FHAD1: variants seen among roughly 807,000 people sequenced by gnomAD.
FHAD1 encodes the protein forkhead associated phosphopeptide binding domain 1, also known as forkhead-associated domain-containing protein 1.
In FHAD1, 146 loss-of-function variants were observed where a neutral mutation model predicts 191.3. The ratio of observed to expected loss-of-function variants is 0.76; its 90% CI spans 0.67 to 0.88. FHAD1 has a LOEUF of 0.88. FHAD1 is among the 40% of genes least tolerant of loss of function. FHAD1 has a pLI of 0.00. For synonymous variants in FHAD1, 616 were observed against 672.3 expected (o/e 0.92, Z 1.29); for missense variants, 1,635 against 1,785.8 (o/e 0.92, Z 1.52).
At chr1:15,244,566 G>C (rs1219708468), upstream of FHAD1, among the ~76,000 whole-genome samples, 1 of 152,144 alleles carries the variant, frequency 6.6e-6, no homozygotes, top group South Asian at 2.1e-4. This position sits in a 1 kb window ranked among gnomAD's most constrained non-coding sequence, Gnocchi z 5.1. Context: ...TAGAGAAGCC[G>C]ACATCCTGGG....
chr1:15,330,404 A>G (rs1420809993), intron 14 of FHAD1, among the ~76,000 whole-genome samples: 1 of 152,128 alleles, frequency 6.6e-6, no homozygotes, highest in African/African-American at 2.4e-5. Flanking sequence ...AGGAACAGGT[A>G]GAATCAGGTC....
chr1:15,373,642 C>T (rs1217426962), intron 26 of FHAD1, among the ~76,000 whole-genome samples: 1 of 152,156 alleles, frequency 6.6e-6, no homozygotes, highest in Non-Finnish European at 1.5e-5. Flanking sequence ...TGCTTGAGCT[C>T]AGGAGTTTGA....
intron 29 of FHAD1, 40 bp downstream of exon 29, chr1:15,380,836 C>A (rs778510356): frequency 3.4e-6 from 5 of 1,478,114 alleles, no homozygotes; most frequent in Admixed American, 2.0e-5. Flanking sequence ...TATCCAAAGC[C>A]TGGGGCCCCT....
chr1:15,349,289 G>A lies in FHAD1; in HGVS notation c.2454+140G>A, dbSNP rs1690001458. On this transcript the variant is annotated intron_variant, in intron 19 of 33. Transcript: ENST00000688493. ...AAGATCTGCCGTTTACTGGCTGTGTGACCTCCGGCAGATCGCCACCTCCCC... is the reference window on the plus strand; with the variant it reads ...AAGATCTGCCGTTTACTGGCTGTGTAACCTCCGGCAGATCGCCACCTCCCC... 4.6e-6 allele frequency: 3 copies of A among 655,874 alleles called. No homozygotes were observed. In the African/African-American group the frequency reaches 5.5e-5, roughly 12 times the overall value. 40.6% of individuals were successfully genotyped at this position (655,874 alleles called of 1,614,324 possible). A position where few individuals can be genotyped will look rare whatever the true frequency, so the allele number is the denominator to read the frequency against.
intron 2 of FHAD1, among the ~76,000 whole-genome samples, chr1:15,267,961 A>T (rs1654279404): frequency 6.7e-6 from 1 of 148,712 alleles, no homozygotes; most frequent in Admixed American, 6.7e-5. Flanking sequence ...ATATATATAT[A>T]TTTGCTGTTC....
intron 21 of FHAD1, among the ~76,000 whole-genome samples, chr1:15,359,685 TA>T (rs919269814): frequency 1.8e-4 from 27 of 147,096 alleles, no homozygotes; most frequent in South Asian, 1.1e-3. Flanking sequence ...CCATCTCCAC[TA>T]AAAAAAAAAT....
rs1001787228 is a variant in FHAD1, at chr1:15,375,633, T to A, written c.3608T>A (p.Leu1203Gln). The change falls in exon 28 of 34, where the codon CTA becomes CAA. Residue 1203 changes from leucine to glutamine, a missense_variant. Transcript: ENST00000688493. ...DHKDHQNESF[L>Q]DLKNLRMENN... ...AAAGACCACCAGAATGAATCATTTC[T>A]AGATTTAAAGAACCTCAGAATGGAA... The A allele has an allele frequency of 5.2e-6, 8 of 1,543,260 alleles. No homozygotes were observed. The highest frequency in any genetic ancestry group is 7.0e-6 in the Non-Finnish European group (8 of 1,144,534).
At position 15,311,354 on chromosome 1, in the gene FHAD1, G is replaced by C. The variant is rs1019616728; in HGVS notation, c.1040-1703G>C. Among the ~76,000 whole-genome samples the C allele has an allele frequency of 1.3e-5, 2 of 152,206 alleles. No individual in the cohort carries two copies. The highest frequency in any genetic ancestry group is 4.8e-5 in the African/African-American group (2 of 41,452). ...GCAGGGAAGGAACCACCCAGGAGGAGCAGAGGGAACCATCTCGAAGCCCAC... is the reference window on the plus strand; with the variant it reads ...GCAGGGAAGGAACCACCCAGGAGGACCAGAGGGAACCATCTCGAAGCCCAC... On this transcript the variant is annotated intron_variant, in intron 7 of 33. Transcript: ENST00000688493. This position sits in a 1 kb window ranked among gnomAD's most constrained non-coding sequence, Gnocchi z 4.1.
chr1:15,354,684 AAAG>A (rs1692124821), intron 20 of FHAD1, among the ~76,000 whole-genome samples: 1 of 152,238 alleles, frequency 6.6e-6, no homozygotes, highest in Admixed American at 6.5e-5. Flanking sequence ...ATGAAAAAAA[AAAG>A]TATATCATGA....
At chr1:15,334,522 C>A (rs920562327) in intron 14 of FHAD1, 2 of 152,260 alleles carry the variant, frequency 1.3e-5, no homozygotes, top group Non-Finnish European at 2.9e-5. Flanking sequence ...CAGCTGTGCA[C>A]CTACTAGCTG....
At chr1:15,353,704 CAAAAAAAAAAAAA>C (rs60518389) in intron 20 of FHAD1, among the ~76,000 whole-genome samples, 2 of 60,974 alleles carry the variant, frequency 3.3e-5, no homozygotes, top group African/African-American at 1.3e-4. Flanking sequence ...GACTCCATCT[CAAAAAAAAAAAAA>C]AAAAAAAAAG....
At chr1:15,382,876 G>A (rs988534410) in intron 31 of FHAD1, among the ~76,000 whole-genome samples, 1 of 152,212 alleles carries the variant, frequency 6.6e-6, no homozygotes, top group African/African-American at 2.4e-5. Context: ...CCGGCTGAAG[G>A]AGCCGCAGAG....
intron 1 of FHAD1, among the ~76,000 whole-genome samples, chr1:15,239,651 T>C (rs1645141643): frequency 6.6e-6 from 1 of 152,112 alleles, no homozygotes; most frequent in Non-Finnish European, 1.5e-5. Context: ...CCAGGTTATA[T>C]CCCAGCCATC....
chr1:15,264,488 C>T (rs1305786058), intron 2 of FHAD1, among the ~76,000 whole-genome samples: 1 of 150,760 alleles, frequency 6.6e-6, no homozygotes, highest in African/African-American at 2.4e-5. Flanking sequence ...GATTTTGTAT[C>T]CTGAGTACAA....
chr1:15,291,693 T>TG (rs947285369), intron 4 of FHAD1, among the ~76,000 whole-genome samples: 2 of 152,196 alleles, frequency 1.3e-5, no homozygotes, highest in Non-Finnish European at 2.9e-5. Context: ...CTTAGCAGGA[T>TG]GGCTGTAGTT....
At chr1:15,246,358 T>C (rs886714244), upstream of FHAD1, among the ~76,000 whole-genome samples, 1 of 152,176 alleles carries the variant, frequency 6.6e-6, no homozygotes, top group Non-Finnish European at 1.5e-5. Flanking sequence ...GAATGTGCCA[T>C]AGTTCATCTC....
intron 6 of FHAD1, 112 bp downstream of exon 6, chr1:15,301,553 C>A: frequency 3.7e-6 from 3 of 817,160 alleles, no homozygotes; most frequent in South Asian, 1.8e-5. Flanking sequence ...GTCAGTGGAG[C>A]ATGGTGGTTA....
At chr1:15,307,398 A>T (rs368909092) in intron 6 of FHAD1, among the ~76,000 whole-genome samples, 314 of 152,264 alleles carry the variant, frequency 2.1e-3, no homozygotes, top group African/African-American at 7.1e-3. Context: ...TTGGGGGACT[A>T]TTGGGAAGGC....
At chr1:15,357,837 TA>T (rs1693387823) in intron 20 of FHAD1, 1 of 304,222 alleles carries the variant, frequency 3.3e-6, no homozygotes, top group South Asian at 7.1e-5. Flanking sequence ...GGCTGTCTCA[TA>T]AAAGAGAAAT....
Sources: allele counts gnomAD v4.1 joint callset (sites outside exome capture counted in the v4.1 genomes callset), GRCh38; gene constraint gnomAD v4.1.1; non-coding constraint Gnocchi (gnomAD v3.1); transcripts MANE v1.5; gene names NCBI Gene and HGNC (gene_info 2026-07-23, HGNC 2026-07-21).